GP6: variants seen among roughly 807,000 people sequenced by gnomAD.
GP6 encodes the protein glycoprotein VI platelet.
A neutral mutation model predicts 37.3 loss-of-function variants in GP6; 45 were observed. The observed-to-expected ratio is 1.21, with a 90% CI of 0.95 to 1.55. The LOEUF (loss-of-function observed/expected upper bound fraction) is 1.55, where lower values mean the gene tolerates loss of function less well. Ranked by LOEUF, GP6 falls within the 40% of genes most tolerant of loss-of-function variation. GP6 has a pLI of 0.00. For missense variants in GP6, 813 were observed against 760.2 expected, an observed-to-expected ratio of 1.07 and a Z score of -0.82; for synonymous variants, 340 against 316.4, an observed-to-expected ratio of 1.07 and a Z score of -0.79.
Position 55,029,022 on chromosome 19 carries a change from G to T in GP6, c.326-1160C>A, listed in dbSNP as rs868835336. On this transcript the variant is annotated intron_variant, in intron 3 of 7. Transcript: ENST00000310373. ...AAAAAGACAGAGAGAGAAAGCAAAA[G>T]AAAGGAAGTAAGGAAGATAAAAATA... 8.7e-5 allele frequency among the ~76,000 whole-genome samples: 13 copies of T among 148,684 alleles called. 1 individual carries two copies. Among genetic ancestry groups the T allele is most frequent in the African/African-American group, 3.3e-4 (13 of 39,172 alleles).
Position 55,032,326 on chromosome 19 carries a change from G to A in GP6, c.138C>T (p.Leu46=). 6.2e-7 allele frequency: 1 copy of A among 1,614,110 alleles called. No individual in the cohort carries two copies. Among genetic ancestry groups the A allele is most frequent in the Non-Finnish European group, 8.5e-7 (1 of 1,180,010 alleles). Residue 46 remains leucine (L), a synonymous_variant, in exon 3 of 8, where the codon CTC becomes CTT. Transcript: ENST00000310373. Reference sequence around the variant, plus strand: ...CCACGCCCGGAGGTCCCTGGCACCGGAGGGTCACTGGCTTCTCCAGGGGCA... The same window carrying A: ...CCACGCCCGGAGGTCCCTGGCACCGAAGGGTCACTGGCTTCTCCAGGGGCA...
intron 3 of GP6, among the ~76,000 whole-genome samples, chr19:55,028,960 A>C (rs1250436496): frequency 6.6e-6 from 1 of 151,748 alleles, no homozygotes; most frequent in South Asian, 2.1e-4. Context: ...TGATCACTGT[A>C]CACTAGCCTG....
chr19:55,016,375 C>CTT (rs35960763), intron 6 of GP6, among the ~76,000 whole-genome samples: 18 of 108,744 alleles, frequency 1.7e-4, no homozygotes, highest in South Asian at 2.9e-4. Context: ...TACGTGCCAG[C>CTT]TTTTTTTTTT....
intron 7 of GP6, 73 bp from the exon 8 acceptor site, chr19:55,015,238 C>A (rs1425604060): frequency 1.9e-6 from 3 of 1,548,856 alleles, no homozygotes; most frequent in African/African-American, 2.7e-5. Context: ...CACATCTGGG[C>A]TTCTCAGAGA....
chr19:55,019,370 A>G (rs2073993893), intron 5 of GP6, among the ~76,000 whole-genome samples: 1 of 152,066 alleles, frequency 6.6e-6, no homozygotes, highest in African/African-American at 2.4e-5. Flanking sequence ...TGGCCTCTCA[A>G]AGTGCTGGGA....
chr19:55,035,136 A>G (rs2074781338), intron 1 of GP6, among the ~76,000 whole-genome samples: 1 of 152,144 alleles, frequency 6.6e-6, no homozygotes, highest in Non-Finnish European at 1.5e-5. Context: ...CCTCTTATAC[A>G]TCAGGCTAGT....
chr19:55,037,920 C>A (rs1027690197), intron 1 of GP6, among the ~76,000 whole-genome samples: 3 of 151,920 alleles, frequency 2.0e-5, no homozygotes, highest in Non-Finnish European at 4.4e-5. Context: ...TGTGCCTGGC[C>A]CACATTTTTT....
intron 3 of GP6, among the ~76,000 whole-genome samples, chr19:55,028,992 C>A (rs2074412405): frequency 1.3e-5 from 2 of 148,954 alleles, no homozygotes; most frequent in Admixed American, 6.6e-5. Context: ...GAGACCTTGT[C>A]TCAAAAAAAG....
intron 5 of GP6, among the ~76,000 whole-genome samples, chr19:55,024,466 G>A (rs755409194): frequency 4.6e-5 from 7 of 152,012 alleles, no homozygotes; most frequent in East Asian, 1.9e-4. Flanking sequence ...TATCAACCTC[G>A]GCTCTTTCCA....
chr19:55,037,369 C>T (rs1335293208), intron 1 of GP6, among the ~76,000 whole-genome samples: 2 of 146,476 alleles, frequency 1.4e-5, no homozygotes, highest in African/African-American at 5.1e-5. Flanking sequence ...CGGAGTTTCG[C>T]TCTTGTTGCC....
At chr19:55,027,933 C>T (rs1036824885) in intron 3 of GP6, 71 bp from the exon 4 acceptor site, 2 of 1,481,614 alleles carry the variant, frequency 1.3e-6, no homozygotes, top group South Asian at 2.3e-5. Flanking sequence ...GAGGTCCCCA[C>T]ACCTGCCTAA....
intron 1 of GP6, chr19:55,032,837 C>T (rs2074618715): frequency 3.5e-6 from 2 of 566,184 alleles, no homozygotes; most frequent in Admixed American, 6.1e-5. Flanking sequence ...GTACTGCTCT[C>T]TGTGGACTTG....
chr19:55,014,916 A>G lies in GP6; in HGVS notation c.1029T>C (p.Ala343=), dbSNP rs2073802060. The change falls in exon 8 of 8, where the codon GCT becomes GCC. Residue 343 remains alanine (A), a synonymous_variant. Transcript: ENST00000310373. ...TTGGATACGACCGTGCCTGGGGTTC[A>G]GCGGTCATGAACATAACCCGCGGCT... 2 of 1,613,510 alleles carry G rather than the reference A, an allele frequency of 1.2e-6. No individual in the cohort carries two copies. The highest frequency in any genetic ancestry group is 1.3e-5 in the African/African-American group (1 of 74,872).
intron 4 of GP6, among the ~76,000 whole-genome samples, chr19:55,025,706 A>G (rs990698251): frequency 6.1e-5 from 9 of 147,498 alleles, no homozygotes; most frequent in South Asian, 2.1e-4. Context: ...ACTCCATCTG[A>G]AAAAAAAAGG....
In GP6 at chr19:55,032,557, G is replaced by C. The variant is rs189534942; in HGVS notation, c.35-19C>G. 3 of 1,613,410 alleles carry C rather than the reference G, an allele frequency of 1.9e-6. No individual in the cohort carries two copies. The highest frequency in any genetic ancestry group is 2.5e-6 in the Non-Finnish European group (3 of 1,179,812). On this transcript the variant is annotated intron_variant, in intron 1 of 7. Transcript: ENST00000310373. ...CACAGCCCTGAGGAAAGAAGAAAGG[G>C]ACCAGATGCCAGGACTCGCTTTTAT...
chr19:55,017,443 G>T (rs2073917262), intron 6 of GP6, among the ~76,000 whole-genome samples: 1 of 152,104 alleles, frequency 6.6e-6, no homozygotes, highest in Non-Finnish European at 1.5e-5. Context: ...CAGCCCACAA[G>T]ACACTGAGCG....
intron 1 of GP6, among the ~76,000 whole-genome samples, chr19:55,037,975 T>C (rs976843261): frequency 4.6e-5 from 7 of 152,042 alleles, no homozygotes; most frequent in African/African-American, 1.2e-4. Flanking sequence ...TTGTGACCAA[T>C]GCTAGGATAC....
At chr19:55,038,058 G>A (rs1034331985) in intron 1 of GP6, 145 bp downstream of exon 1, 9 of 736,672 alleles carry the variant, frequency 1.2e-5, no homozygotes, top group South Asian at 2.9e-5. Flanking sequence ...CTGGCCCCCC[G>A]TTTCCCCACC....
At position 55,018,686 on chromosome 19, in the gene GP6, C is replaced by T. The variant is rs751766995; in HGVS notation, c.690G>A (p.Leu230=). The change falls in exon 6 of 8, where the codon CTG becomes CTA. Residue 230 remains leucine (L), a synonymous_variant. Coordinates refer to ENST00000310373, the MANE Select transcript of GP6 (RefSeq NM_001083899.2). ...AGACTTCGTTTGTGAATGAGACGGT[C>T]AGTTCAGCGGTGGCTTCTGAGAATT... is the stretch of plus-strand genomic sequence containing the variant. The T allele has an allele frequency of 1.2e-6, 2 of 1,609,410 alleles. No homozygotes were observed. Among genetic ancestry groups the T allele is most frequent in the Non-Finnish European group, 1.7e-6 (2 of 1,175,644 alleles).
Sources: allele counts gnomAD v4.1 joint callset (sites outside exome capture counted in the v4.1 genomes callset), GRCh38; gene constraint gnomAD v4.1.1; transcripts MANE v1.5; gene names NCBI Gene and HGNC (gene_info 2026-07-23, HGNC 2026-07-21).